PDZRN3: variants seen among roughly 807,000 people sequenced by gnomAD.
PDZRN3 encodes PDZ domain containing ring finger 3, also known as E3 ubiquitin-protein ligase PDZRN3.
PDZRN3 carries 38 observed loss-of-function variants against 85.7 expected under a neutral mutation model. The ratio of observed to expected loss-of-function variants is 0.44; its 90% CI spans 0.34 to 0.58. The LOEUF is 0.58. Ranked by LOEUF, PDZRN3 falls within the 20% of genes least tolerant of loss-of-function variation. The probability of loss-of-function intolerance (pLI) is 0.01; values close to 1 mark genes in which losing one functional copy is unlikely to be tolerated. For missense variants in PDZRN3, 1,629 were observed against 1,506.4 expected (o/e 1.08, Z -1.35); for synonymous variants, 759 against 638.0 (o/e 1.19, Z -2.86).
intron 3 of PDZRN3, among the ~76,000 whole-genome samples, chr3:73,573,852 C>T (rs958088904): frequency 6.8e-6 from 1 of 146,008 alleles, no homozygotes; most frequent in African/African-American, 2.5e-5. Context: ...TATACATATA[C>T]GGTCCTTACC....
intron 1 of PDZRN3, among the ~76,000 whole-genome samples, chr3:73,622,048 G>T (rs769729427): frequency 6.6e-6 from 1 of 152,180 alleles, no homozygotes; most frequent in Admixed American, 6.5e-5. Flanking sequence ...TTAAAACGAC[G>T]AAGGAAGTCC....
rs573041231 is a variant in PDZRN3, at chr3:73,553,061, G to A, written c.918+49293C>T. Among the ~76,000 whole-genome samples the A allele has an allele frequency of 2.0e-5, 3 of 152,282 alleles. No homozygotes were observed. In the South Asian group the frequency reaches 6.2e-4, roughly 32 times the overall value. On this transcript the variant is annotated intron_variant, in intron 3 of 9. Coordinates refer to ENST00000263666, the MANE Select transcript of PDZRN3 (RefSeq NM_015009.3). ...AACATATAAAATGGAATAATTAAAG[G>A]TTAAAGTAGAGACTACAAGGAAGGG...
chr3:73,382,486 C>CA lies in PDZRN3; in HGVS notation c.*878dup, dbSNP rs1703251881. ...ACCACTGCAAAATGAGGAATCACAT[C>CA]AAAACATATCAAATAGAAAATAATA... On this transcript the variant is annotated 3_prime_UTR_variant, in exon 10 of 10. Transcript: ENST00000263666. 1 of 152,554 alleles carries CA rather than the reference C, an allele frequency of 6.6e-6. No homozygotes were observed. The highest frequency in any genetic ancestry group is 2.4e-5 in the African/African-American group (1 of 41,444). 9.5% of individuals were successfully genotyped at this position (152,554 alleles called of 1,614,324 possible).
intron 3 of PDZRN3, chr3:73,433,678 C>A (rs1426790866): frequency 6.5e-7 from 1 of 1,535,960 alleles, no homozygotes; most frequent in Non-Finnish European, 8.7e-7. Context: ...GCTCCTCTTG[C>A]TTCTGCAGGC....
chr3:73,545,520 A>C (rs966436345), intron 3 of PDZRN3, among the ~76,000 whole-genome samples: 1 of 152,228 alleles, frequency 6.6e-6, no homozygotes, highest in African/African-American at 2.4e-5. Context: ...CATAACAGCA[A>C]TTCTGGGTAT....
intron 3 of PDZRN3, among the ~76,000 whole-genome samples, chr3:73,549,450 G>A (rs1423895984): frequency 2.0e-5 from 3 of 152,108 alleles, no homozygotes; most frequent in Non-Finnish European, 4.4e-5. Context: ...CAAATCCCAA[G>A]TCTTTGGACA....
intron 3 of PDZRN3, among the ~76,000 whole-genome samples, chr3:73,568,596 C>T (rs75277085): frequency 0.016 from 2,443 of 152,290 alleles, 57 homozygotes; most frequent in African/African-American, 0.053. Context: ...CCAAATATCA[C>T]GCATGTGAGA....
intron 3 of PDZRN3, among the ~76,000 whole-genome samples, chr3:73,568,241 G>T (rs918676612): frequency 2.0e-5 from 3 of 152,086 alleles, no homozygotes; most frequent in African/African-American, 7.2e-5. Flanking sequence ...TATCTCCCCA[G>T]AGCTAGATAT....
At chr3:73,536,148 C>G (rs955762053) in intron 3 of PDZRN3, among the ~76,000 whole-genome samples, 1 of 152,240 alleles carries the variant, frequency 6.6e-6, no homozygotes, top group Non-Finnish European at 1.5e-5. Flanking sequence ...CTGCACTCCA[C>G]TGTAAGCCAT....
chr3:73,448,641 T>C (rs558283245), intron 3 of PDZRN3, among the ~76,000 whole-genome samples: 1 of 152,302 alleles, frequency 6.6e-6, no homozygotes, highest in African/African-American at 2.4e-5. Context: ...GTAAACTTTA[T>C]TTAATAGAAG....
At chr3:73,532,176 A>T (rs184744235) in intron 3 of PDZRN3, among the ~76,000 whole-genome samples, 4,407 of 147,756 alleles carry the variant, frequency 0.03, 218 homozygotes, top group African/African-American at 0.1. Context: ...GATTTTCTGT[A>T]TTTTTTTTTT....
intron 3 of PDZRN3, among the ~76,000 whole-genome samples, chr3:73,439,140 G>A (rs539287278): frequency 4.6e-5 from 7 of 152,320 alleles, no homozygotes; most frequent in Middle Eastern, 3.4e-3. Flanking sequence ...CTCTTCCAGT[G>A]CAAGAACCAG....
chr3:73,555,123 T>C (rs1008812238), intron 3 of PDZRN3, among the ~76,000 whole-genome samples: 6 of 152,310 alleles, frequency 3.9e-5, no homozygotes, highest in African/African-American at 1.4e-4. Context: ...AATGTGTTGT[T>C]ATTTTTTGAA....
At chr3:73,586,330 T>A (rs1443309920) in intron 3 of PDZRN3, among the ~76,000 whole-genome samples, 2 of 152,208 alleles carry the variant, frequency 1.3e-5, no homozygotes, top group African/African-American at 4.8e-5. Context: ...AAGTATCAAA[T>A]GTCCCCAAGG....
intron 3 of PDZRN3, among the ~76,000 whole-genome samples, chr3:73,573,775 A>G (rs1702076496): frequency 6.9e-6 from 1 of 145,484 alleles, no homozygotes; most frequent in East Asian, 2.1e-4. Flanking sequence ...ACATACACAC[A>G]TATACATATA....
chr3:73,417,811 T>A (rs1473537050), intron 3 of PDZRN3, among the ~76,000 whole-genome samples: 1 of 152,224 alleles, frequency 6.6e-6, no homozygotes, highest in Non-Finnish European at 1.5e-5. Context: ...CAGTAGAATG[T>A]ATAAACTGTC....
At chr3:73,472,006 C>G (rs1368590100) in intron 3 of PDZRN3, among the ~76,000 whole-genome samples, 1 of 150,090 alleles carries the variant, frequency 6.7e-6, no homozygotes, top group Non-Finnish European at 1.5e-5. Context: ...AAAGCCTTTT[C>G]TCAAAATGTC....
intron 3 of PDZRN3, chr3:73,408,203 T>C (rs1419346488): frequency 7.1e-6 from 5 of 703,110 alleles, no homozygotes; most frequent in Non-Finnish European, 1.3e-5. Flanking sequence ...AAGCCAGCGT[T>C]GGAATCCTGG....
chr3:73,396,456 A>G (rs1701638776), intron 5 of PDZRN3, among the ~76,000 whole-genome samples: 1 of 152,152 alleles, frequency 6.6e-6, no homozygotes. Context: ...GATGGGGCTG[A>G]CCAGGAAAGG....
Sources: allele counts gnomAD v4.1 joint callset (sites outside exome capture counted in the v4.1 genomes callset), GRCh38; gene constraint gnomAD v4.1.1; transcripts MANE v1.5; gene names NCBI Gene and HGNC (gene_info 2026-07-23, HGNC 2026-07-21).